MORC1: variants seen among roughly 807,000 people sequenced by gnomAD.
MORC1 encodes MORC family CW-type zinc finger 1, also known as MORC family CW-type zinc finger protein 1.
MORC1 carries 59 observed loss-of-function variants against 134.9 expected under a neutral mutation model. The observed-to-expected ratio is 0.44, with a 90% CI of 0.35 to 0.54. The LOEUF is 0.54. MORC1 is among the 20% of genes least tolerant of loss of function. The pLI, the probability that MORC1 is intolerant of heterozygous loss-of-function variation, is 0.00. For missense variants in MORC1, 947 were observed against 1,134.5 expected, an observed-to-expected ratio of 0.83 and a Z score of 2.37; for synonymous variants, 395 against 391.7, an observed-to-expected ratio of 1.01 and a Z score of -0.10.
At chr3:109,104,585 G>A (rs1950987806) in intron 3 of MORC1, among the ~76,000 whole-genome samples, 1 of 152,098 alleles carries the variant, frequency 6.6e-6, no homozygotes, top group African/African-American at 2.4e-5. Flanking sequence ...CAGAACTTTG[G>A]GAGGCTAAGG....
intron 18 of MORC1, among the ~76,000 whole-genome samples, chr3:109,006,088 G>A (rs192029977): frequency 6.6e-6 from 1 of 152,252 alleles, no homozygotes; most frequent in Non-Finnish European, 1.5e-5. Flanking sequence ...ATTTCCCATG[G>A]CAAATTACTT....
At chr3:108,974,177 T>G (rs1947484399) in intron 24 of MORC1, among the ~76,000 whole-genome samples, 1 of 152,186 alleles carries the variant, frequency 6.6e-6, no homozygotes, top group Admixed American at 6.5e-5. Context: ...TTGGAGATTC[T>G]GGTCTGTAAG....
rs72935349 is a variant in MORC1 at position 109,020,897 on chromosome 3, C to G, written c.1704+6854G>C. Among the ~76,000 whole-genome samples, 1,067 of 152,120 alleles carry G rather than the reference C, an allele frequency of 7.0e-3. 12 individuals are homozygous for G. The highest frequency in any genetic ancestry group is 0.023 in the African/African-American group (973 of 41,466). ...GAGGTTGAATCAGGGGTACAAGATACAAGGTTTAAGTTCAAAATCAGAACA... is the reference window on the plus strand; with the variant it reads ...GAGGTTGAATCAGGGGTACAAGATAGAAGGTTTAAGTTCAAAATCAGAACA... On this transcript the variant is annotated intron_variant, in intron 17 of 27. Transcript: ENST00000232603.
chr3:109,110,694 A>G (rs984845344), intron 3 of MORC1, 55 bp downstream of exon 3: 14 of 1,381,018 alleles, frequency 1.0e-5, no homozygotes, highest in Middle Eastern at 3.6e-4. Flanking sequence ...TACAAGCAAA[A>G]TAACTACAGT....
At chr3:109,090,867 G>A (rs1238416543) in intron 8 of MORC1, among the ~76,000 whole-genome samples, 1 of 152,014 alleles carries the variant, frequency 6.6e-6, no homozygotes, top group Non-Finnish European at 1.5e-5. Flanking sequence ...ACCCAGTAGA[G>A]ATAAGGGGAT....
At chr3:109,052,241 A>G (rs1280923338) in intron 14 of MORC1, among the ~76,000 whole-genome samples, 1 of 152,148 alleles carries the variant, frequency 6.6e-6, no homozygotes, top group Non-Finnish European at 1.5e-5. Flanking sequence ...AATGAGTCTC[A>G]TGTTTAGCAT....
intron 19 of MORC1, 73 bp downstream of exon 19, chr3:109,004,983 TAAAATGTGAAAATG>T: frequency 6.4e-7 from 1 of 1,573,354 alleles, no homozygotes; most frequent in Non-Finnish European, 8.6e-7. Flanking sequence ...TAAAGTGTCT[TAAAATGTGAAAATG>T]AAGCAAAACC....
At chr3:109,088,083 A>T (rs1950650826) in intron 8 of MORC1, among the ~76,000 whole-genome samples, 1 of 152,018 alleles carries the variant, frequency 6.6e-6, no homozygotes, top group African/African-American at 2.4e-5. Context: ...ACTCAGGACG[A>T]ATTAAAGACT....
chr3:109,052,196 TTCTACA>T (rs1949846760), intron 14 of MORC1, among the ~76,000 whole-genome samples: 1 of 152,208 alleles, frequency 6.6e-6, no homozygotes. Context: ...CTTACACGTT[TTCTACA>T]GCTTTAAGCA....
At chr3:109,114,172 C>G (rs980662876) in intron 2 of MORC1, among the ~76,000 whole-genome samples, 3 of 152,172 alleles carry the variant, frequency 2.0e-5, no homozygotes, top group East Asian at 1.9e-4. Flanking sequence ...AAACAGACTT[C>G]AAGTTTGATC....
In MORC1 at chr3:109,118,003, G is replaced by A. The variant is rs1951307944; in HGVS notation, c.57C>T (p.His19=). The change falls in exon 1 of 28, where the codon CAC becomes CAT. Residue 19 remains histidine, a synonymous_variant. Transcript: ENST00000232603. ...CCCACCTCGGCACTCACGAGTTGGC[G>A]TGGATGAAATCCAGACGCAGCTGGG... ...QRAQLRLDFI[H]ANSTTHSFLF... 3.7e-6 allele frequency: 6 copies of A among 1,605,104 alleles called. No homozygotes were observed. Among genetic ancestry groups the A allele is most frequent in the African/African-American group, 2.7e-5 (2 of 74,858 alleles).
At chr3:109,028,434 A>G (rs891211292) in intron 16 of MORC1, among the ~76,000 whole-genome samples, 2 of 152,138 alleles carry the variant, frequency 1.3e-5, no homozygotes, top group African/African-American at 4.8e-5. Flanking sequence ...CAAATCGCCC[A>G]CTGGTCCTGA....
At chr3:109,011,262 A>C (rs765840749) in intron 17 of MORC1, among the ~76,000 whole-genome samples, 3 of 152,134 alleles carry the variant, frequency 2.0e-5, no homozygotes, top group Non-Finnish European at 4.4e-5. Context: ...CTGTTTTCCT[A>C]TGTCACTTTA....
chr3:108,971,463 T>A, intron 24 of MORC1, 61 bp from the exon 25 acceptor site: 2 of 1,425,192 alleles, frequency 1.4e-6, no homozygotes, highest in Non-Finnish European at 2.0e-6. Context: ...AGCACTCAAC[T>A]GTCAGAACTG....
intron 21 of MORC1, among the ~76,000 whole-genome samples, 193 bp downstream of exon 21, chr3:109,000,364 A>T (rs1475507759): frequency 1.3e-5 from 2 of 152,184 alleles, no homozygotes; most frequent in African/African-American, 4.8e-5. Flanking sequence ...GGAGATGTGT[A>T]AGTTCCAGAT....
intron 8 of MORC1, among the ~76,000 whole-genome samples, chr3:109,073,128 T>C (rs1216511016): frequency 2.0e-5 from 3 of 152,204 alleles, no homozygotes; most frequent in African/African-American, 7.2e-5. Context: ...CAGTCTCTAA[T>C]TTAGCCCCTA....
At chr3:109,111,409 G>C (rs573886541) in intron 2 of MORC1, among the ~76,000 whole-genome samples, 1 of 152,148 alleles carries the variant, frequency 6.6e-6, no homozygotes, top group African/African-American at 2.4e-5. Context: ...TCCCACAGAG[G>C]TGAAAATATT....
intron 23 of MORC1, among the ~76,000 whole-genome samples, chr3:108,983,438 GA>G (rs1432958385): frequency 6.6e-6 from 1 of 152,016 alleles, no homozygotes; most frequent in African/African-American, 2.4e-5. Context: ...TACACGCTTT[GA>G]AAAAAATAAA....
At chr3:109,030,810 T>C (rs1000218178) in intron 16 of MORC1, among the ~76,000 whole-genome samples, 2 of 152,186 alleles carry the variant, frequency 1.3e-5, no homozygotes, top group East Asian at 3.8e-4. Flanking sequence ...CAATAGCTTA[T>C]TATACATTTT....
Sources: allele counts gnomAD v4.1 joint callset (sites outside exome capture counted in the v4.1 genomes callset), GRCh38; gene constraint gnomAD v4.1.1; transcripts MANE v1.5; gene names NCBI Gene and HGNC (gene_info 2026-07-23, HGNC 2026-07-21).